KCNH1: variants seen among roughly 807,000 people sequenced by gnomAD.
KCNH1 encodes potassium voltage-gated channel subfamily H member 1.
Under a neutral mutation model 69.2 loss-of-function variants are expected in KCNH1, and 27 were observed. That is an observed-to-expected ratio of 0.39 (90% CI 0.29 to 0.54). The LOEUF (loss-of-function observed/expected upper bound fraction) is 0.54. Among genes scored for constraint, KCNH1 ranks in the 20% least tolerant of loss-of-function variants. The pLI is 0.68. For missense variants in KCNH1, 798 were observed against 1,261.6 expected, an observed-to-expected ratio of 0.63 and a Z score of 5.57; for synonymous variants, 456 against 487.7, an observed-to-expected ratio of 0.93 and a Z score of 0.86.
At chr1:210,949,880 T>C (rs1164347235) in intron 6 of KCNH1, among the ~76,000 whole-genome samples, 2 of 152,194 alleles carry the variant, frequency 1.3e-5, no homozygotes, top group African/African-American at 4.8e-5. Context: ...TATACGAAGA[T>C]GCTATGAATC....
intron 10 of KCNH1, among the ~76,000 whole-genome samples, chr1:210,758,449 A>T (rs948546852): frequency 6.6e-6 from 1 of 152,178 alleles, no homozygotes; most frequent in African/African-American, 2.4e-5. Context: ...CAGTCTGTGT[A>T]TGCCACTACT....
chr1:210,976,119 A>C (rs960279712), intron 6 of KCNH1, among the ~76,000 whole-genome samples: 1 of 151,186 alleles, frequency 6.6e-6, no homozygotes, highest in Non-Finnish European at 1.5e-5. Flanking sequence ...TGGAGAGGAT[A>C]TGGAGAAATA....
At chr1:210,718,437 TG>T (rs373708878) in intron 10 of KCNH1, among the ~76,000 whole-genome samples, 1 of 76,284 alleles carries the variant, frequency 1.3e-5, no homozygotes. Context: ...TATACATATA[TG>T]TATATATATA....
intron 7 of KCNH1, among the ~76,000 whole-genome samples, chr1:210,887,561 A>G (rs1184863096): frequency 6.6e-6 from 1 of 152,164 alleles, no homozygotes; most frequent in Non-Finnish European, 1.5e-5. Context: ...CCTTAAATGT[A>G]AACAGGCTAA....
At chr1:210,711,897 T>G (rs1291534654) in intron 10 of KCNH1, among the ~76,000 whole-genome samples, 1 of 152,168 alleles carries the variant, frequency 6.6e-6, no homozygotes, top group African/African-American at 2.4e-5. Flanking sequence ...TTAGTTTCTC[T>G]GGAGGAAGCC....
chr1:211,064,207 T>C (rs1380087869), intron 5 of KCNH1, among the ~76,000 whole-genome samples: 1 of 152,172 alleles, frequency 6.6e-6, no homozygotes, highest in Non-Finnish European at 1.5e-5. Context: ...TTAAAAAGAA[T>C]GAAGGAGACA....
chr1:211,027,361 T>G (rs1347336542), intron 5 of KCNH1, among the ~76,000 whole-genome samples: 1 of 152,082 alleles, frequency 6.6e-6, no homozygotes, highest in African/African-American at 2.4e-5. Flanking sequence ...ATCCTAACAT[T>G]TTGGAGGCCA....
At chr1:211,011,767 G>A (rs551380710) in intron 6 of KCNH1, among the ~76,000 whole-genome samples, 4 of 152,290 alleles carry the variant, frequency 2.6e-5, no homozygotes, top group African/African-American at 4.8e-5. Flanking sequence ...ACTCCGGTGC[G>A]TGTGCAAGGC....
At chr1:210,789,249 T>C (rs976414033) in intron 9 of KCNH1, among the ~76,000 whole-genome samples, 8 of 152,218 alleles carry the variant, frequency 5.3e-5, no homozygotes, top group Non-Finnish European at 1.2e-4. Flanking sequence ...CTCCTCTCCA[T>C]ACTCAGCTTA....
chr1:211,091,541 G>A (rs992807775), intron 3 of KCNH1, among the ~76,000 whole-genome samples: 1 of 152,086 alleles, frequency 6.6e-6, no homozygotes, highest in Admixed American at 6.5e-5. Flanking sequence ...AAATGACAAG[G>A]CATTGAAGAA....
At position 210,721,724 on chromosome 1, in the gene KCNH1, G is replaced by A. The variant is rs56736805; in HGVS notation, c.2113-37586C>T. Among the ~76,000 whole-genome samples, 406 of 152,142 alleles carry A rather than the reference G, an allele frequency of 2.7e-3. 2 individuals carry two copies. Among genetic ancestry groups the A allele is most frequent in the African/African-American group, 9.5e-3 (393 of 41,492 alleles). ...GTTAAATGACGAGTTAATGGGTGCA[G>A]CACACCAACATGGCACATGTATACA... On this transcript the variant is annotated intron_variant, in intron 10 of 10. Coordinates refer to ENST00000271751, the MANE Select transcript of KCNH1 (RefSeq NM_172362.3).
chr1:210,787,545 G>A (rs140661362), intron 9 of KCNH1, among the ~76,000 whole-genome samples: 18 of 152,278 alleles, frequency 1.2e-4, no homozygotes, highest in African/African-American at 3.6e-4. Flanking sequence ...GAAAGCATGC[G>A]TTTGAACAGA....
At chr1:211,041,942 A>G (rs1690003841) in intron 5 of KCNH1, among the ~76,000 whole-genome samples, 1 of 152,078 alleles carries the variant, frequency 6.6e-6, no homozygotes, top group African/African-American at 2.4e-5. Context: ...TTTGGTAGGG[A>G]TGGGGTTTCA....
chr1:210,880,007 A>T (rs1368227045), intron 7 of KCNH1, among the ~76,000 whole-genome samples: 1 of 152,132 alleles, frequency 6.6e-6, no homozygotes, highest in Non-Finnish European at 1.5e-5. Context: ...ACCCCTAAAA[A>T]TGAAATACTT....
rs552936830 is a variant in KCNH1, at chr1:210,753,679, C to T, written c.2112+21669G>A. On this transcript the variant is annotated intron_variant, in intron 10 of 10. Coordinates refer to ENST00000271751, the MANE Select transcript of KCNH1 (RefSeq NM_172362.3). ...ATTTTTTGTAAACACCATAAAAGGTCCTTGATCCAAAAGGCTCTGCACTCA... is the reference window on the plus strand; with the variant it reads ...ATTTTTTGTAAACACCATAAAAGGTTCTTGATCCAAAAGGCTCTGCACTCA... Among the ~76,000 whole-genome samples, 22 of 152,270 alleles carry T rather than the reference C, an allele frequency of 1.4e-4. No homozygotes were observed. In the South Asian group the frequency reaches 2.9e-3, roughly 20 times the overall value.
chr1:210,993,636 G>A (rs961959325), intron 6 of KCNH1, among the ~76,000 whole-genome samples: 2 of 152,132 alleles, frequency 1.3e-5, no homozygotes, highest in South Asian at 2.1e-4. Context: ...ACTCAAAACC[G>A]TTTATTATAG....
intron 7 of KCNH1, among the ~76,000 whole-genome samples, chr1:210,833,046 C>G (rs571878358): frequency 6.6e-6 from 1 of 151,848 alleles, no homozygotes; most frequent in East Asian, 1.9e-4. Context: ...CTCCTCACAC[C>G]AGATCATTAA....
At chr1:210,907,757 G>A (rs1687135484) in intron 7 of KCNH1, among the ~76,000 whole-genome samples, 6 of 152,168 alleles carry the variant, frequency 3.9e-5, no homozygotes, top group Non-Finnish European at 1.5e-5. Context: ...GGTTCACATA[G>A]CAATTGAGAA....
chr1:210,998,583 G>C (rs950382027), intron 6 of KCNH1, among the ~76,000 whole-genome samples: 1 of 152,136 alleles, frequency 6.6e-6, no homozygotes, highest in Non-Finnish European at 1.5e-5. Context: ...ACACCCCACT[G>C]TCAACATTAG....
Sources: gnomAD v4.1 joint callset for allele counts (sites outside exome capture counted in the v4.1 genomes callset) on GRCh38, gnomAD v4.1.1 for gene constraint, MANE v1.5 for transcripts, NCBI Gene and HGNC (gene_info 2026-07-23, HGNC 2026-07-21) for gene names.